Variants in RP1 observed in about 807,000 individuals in gnomAD.
RP1 encodes the protein oxygen-regulated protein 1.
In RP1, 16 loss-of-function variants were observed where a neutral mutation model predicts 14.8. The observed-to-expected ratio is 1.08, with a 90% CI of 0.73 to 1.65. The LOEUF is 1.65. Among genes scored for constraint, RP1 ranks in the 40% most tolerant of loss-of-function variants. The probability of loss-of-function intolerance (pLI) is 0.00; values close to 1 mark genes in which losing one functional copy is unlikely to be tolerated. For missense variants in RP1, 2,631 were observed against 2,535.0 expected (o/e 1.04, Z -0.81); for synonymous variants, 876 against 883.6 (o/e 0.99, Z 0.15).
intron 24 of RP1, among the ~76,000 whole-genome samples, chr8:54,790,308 C>A (rs1272589869): frequency 1.3e-5 from 2 of 152,216 alleles, no homozygotes; most frequent in Admixed American, 6.5e-5. Flanking sequence ...GCTGGTCTGT[C>A]TAAAACTCCA....
intron 1 of RP1, among the ~76,000 whole-genome samples, chr8:54,605,136 G>A (rs1406102064): frequency 6.6e-6 from 1 of 152,134 alleles, no homozygotes; most frequent in East Asian, 1.9e-4. Flanking sequence ...ATGTTAGGGT[G>A]TCAATTTTAG....
intron 12 of RP1, among the ~76,000 whole-genome samples, chr8:54,697,914 G>A (rs893159503): frequency 1.3e-5 from 2 of 152,190 alleles, no homozygotes; most frequent in Admixed American, 6.5e-5. Flanking sequence ...AGACTTAAAC[G>A]TAACACCTAA....
rs189440527 is a variant in RP1 at position 54,581,052 on chromosome 8, C to T, written c.-13+21732C>T. On this transcript the variant is annotated intron_variant, in intron 1 of 22. Transcript: ENST00000636932. ...TAAGTTTTAAGGTATATGTGCACAA[C>T]GTGCAGTTTTGTTACATATGTATAC... 5.3e-3 allele frequency among the ~76,000 whole-genome samples: 800 copies of T among 152,026 alleles called. 14 individuals carry two copies. Among genetic ancestry groups the T allele is most frequent in the Admixed American group, 0.026 (395 of 15,266 alleles).
In RP1 at chr8:54,628,890, G is replaced by T; in HGVS notation, c.5008G>T (p.Ala1670Ser). The T allele has an allele frequency of 6.2e-7, 1 of 1,613,858 alleles. No homozygotes were observed. The highest frequency in any genetic ancestry group is 2.2e-5 in the East Asian group (1 of 44,860). ...NSVEFQCSRK[A>S]SLYDSEGQSF... ...TGTGGAATTTCAGTGTTCCAGGAAA[G>T]CAAGTCTTTATGATTCTGAAGGGCA... The change falls in exon 4 of 4, where the codon GCA (alanine) becomes TCA (serine). Residue 1670 changes from alanine (A) to serine (S), a missense_variant. By Grantham distance (99) the Ala-to-Ser change is moderately conservative. Transcript: ENST00000220676.
At position 54,625,251 on chromosome 8, in the gene RP1, G is replaced by T. The variant is rs1210856087; in HGVS notation, c.1369G>T (p.Val457Leu). 1 of 1,614,148 alleles carries T rather than the reference G, an allele frequency of 6.2e-7. No individual in the cohort carries two copies. The highest frequency in any genetic ancestry group is 8.5e-7 in the Non-Finnish European group (1 of 1,180,028). Residue 457 changes from valine (V) to leucine (L), a missense_variant, in exon 4 of 4, where the codon GTG becomes TTG. Transcript: ENST00000220676. ...GCCCCCTACACCTGGACTAAGAAGA[G>T]TGAGACAAAAGAAATCTGTGATTGG... ...YRPPTPGLRRVRQKKSVIGSV... is the reference protein window; with the variant it reads ...YRPPTPGLRRLRQKKSVIGSV...
At chr8:54,579,909 G>A (rs887753555) in intron 1 of RP1, among the ~76,000 whole-genome samples, 2 of 152,180 alleles carry the variant, frequency 1.3e-5, no homozygotes, top group African/African-American at 2.4e-5. Context: ...GAGGCAGCCT[G>A]TCTCCTGGGA....
downstream of RP1, among the ~76,000 whole-genome samples, chr8:54,771,490 T>G (rs990500382): frequency 1.3e-5 from 2 of 152,052 alleles, no homozygotes; most frequent in African/African-American, 4.8e-5. Flanking sequence ...AGGGAAGGTG[T>G]TGACCTAGGA....
intron 28 of RP1, among the ~76,000 whole-genome samples, chr8:54,866,924 T>G (rs564498712): frequency 7.9e-5 from 12 of 152,338 alleles, no homozygotes; most frequent in African/African-American, 2.6e-4. Flanking sequence ...ATATGTTAAT[T>G]TATCCATCCA....
chr8:54,843,242 T>G (rs372496888), intron 25 of RP1, among the ~76,000 whole-genome samples: 346 of 152,154 alleles, frequency 2.3e-3, no homozygotes, highest in Middle Eastern at 6.8e-3. Flanking sequence ...ATGTATGTAT[T>G]TATTTATTTA....
At chr8:54,812,947 T>A (rs182988642) in intron 24 of RP1, among the ~76,000 whole-genome samples, 23 of 152,374 alleles carry the variant, frequency 1.5e-4, no homozygotes, top group Middle Eastern at 3.4e-3. Flanking sequence ...TAACTCATTC[T>A]TACTAATCCA....
chr8:54,584,822 C>A (rs895359032), intron 1 of RP1, among the ~76,000 whole-genome samples: 1 of 152,118 alleles, frequency 6.6e-6, no homozygotes, highest in East Asian at 1.9e-4. Context: ...AAGATTGCAA[C>A]CCCTGCCTTT....
chr8:54,728,263 T>A (rs1446942184), intron 17 of RP1, among the ~76,000 whole-genome samples: 3 of 152,170 alleles, frequency 2.0e-5, no homozygotes, highest in African/African-American at 7.2e-5. Flanking sequence ...CCTTTAGTTG[T>A]CTTTTTTCTA....
intron 24 of RP1, among the ~76,000 whole-genome samples, chr8:54,806,207 C>T (rs556843045): frequency 5.4e-4 from 82 of 152,060 alleles, no homozygotes; most frequent in Middle Eastern, 3.4e-3. Context: ...TTAGTAGAAA[C>T]GGGGTTTCAC....
intron 26 of RP1, among the ~76,000 whole-genome samples, chr8:54,855,865 T>C (rs1465776039): frequency 2.6e-5 from 4 of 152,070 alleles, no homozygotes; most frequent in Non-Finnish European, 4.4e-5. Flanking sequence ...TGGAGCACTT[T>C]GAACTCTCGT....
chr8:54,798,170 C>T (rs138149863), intron 24 of RP1, among the ~76,000 whole-genome samples: 288 of 152,134 alleles, frequency 1.9e-3, no homozygotes, highest in African/African-American at 6.2e-3. Flanking sequence ...CGTGCCACCA[C>T]GCCCGGCTAA....
chr8:54,625,426 C>T lies in RP1; in HGVS notation c.1544C>T (p.Pro515Leu). 6.2e-7 allele frequency: 1 copy of T among 1,613,868 alleles called. No individual in the cohort carries two copies. Among genetic ancestry groups the T allele is most frequent in the Non-Finnish European group, 8.5e-7 (1 of 1,180,022 alleles). Residue 515 changes from proline (P) to leucine (L), a missense_variant, in exon 4 of 4, where the codon CCA (proline) becomes CTA (leucine). Physicochemically the swap from Pro to Leu is moderately conservative, Grantham distance 98. Coordinates refer to ENST00000220676, the MANE Select transcript of RP1 (RefSeq NM_006269.2). ...AAAATGTCATCAGTATCTAACAAACCAGTACTTGTTCAGATCAATAACAAT... is the reference window on the plus strand; with the variant it reads ...AAAATGTCATCAGTATCTAACAAACTAGTACTTGTTCAGATCAATAACAAT... Reference protein sequence around the residue: ...CSKMSSVSNKPVLVQINNNDQ... With the variant: ...CSKMSSVSNKLVLVQINNNDQ...
intron 12 of RP1, among the ~76,000 whole-genome samples, chr8:54,689,531 G>A (rs1375369560): frequency 6.6e-6 from 1 of 152,084 alleles, no homozygotes; most frequent in Non-Finnish European, 1.5e-5. Context: ...AGGATGCTAA[G>A]TCTCTTTATA....
chr8:54,734,037 A>C (rs1808854174), intron 17 of RP1, among the ~76,000 whole-genome samples: 1 of 152,150 alleles, frequency 6.6e-6, no homozygotes, highest in Non-Finnish European at 1.5e-5. Flanking sequence ...TTTAGTTCCA[A>C]ATCCTTTCCA....
In RP1 at chr8:54,621,348, C is replaced by T. The variant is rs147116231; in HGVS notation, c.382C>T (p.Leu128Phe). Residue 128 changes from leucine (L) to phenylalanine (F), a missense_variant, in exon 2 of 4, where the codon CTC (leucine) becomes TTC (phenylalanine). Transcript: ENST00000220676. Reference protein sequence around the residue: ...DKARRRPRPWLSSRAISAHSP... With the variant: ...DKARRRPRPWFSSRAISAHSP... ...AGCCCGTCGGCGCCCGCGGCCCTGG[C>T]TCAGCAGCCGGGCCATTAGCGCGCA... 6.2e-7 allele frequency: 1 copy of T among 1,611,730 alleles called. No homozygotes were observed. Among genetic ancestry groups the T allele is most frequent in the Admixed American group, 1.7e-5 (1 of 59,968 alleles).
Sources: allele counts gnomAD v4.1 joint callset (sites outside exome capture counted in the v4.1 genomes callset), GRCh38; gene constraint gnomAD v4.1.1; transcripts MANE v1.5; gene names NCBI Gene and HGNC (gene_info 2026-07-23, HGNC 2026-07-21).